Variants in ZDHHC13 observed in about 807,000 individuals in gnomAD.
ZDHHC13 encodes the protein palmitoyltransferase ZDHHC13.
Under a neutral mutation model 86.0 loss-of-function variants are expected in ZDHHC13, and 85 were observed. The observed-to-expected ratio is 0.99, with a 90% CI of 0.83 to 1.18. The LOEUF is 1.18. Ranked by LOEUF, ZDHHC13 falls within the 50% of genes most tolerant of loss-of-function variation. The pLI, the probability that ZDHHC13 is intolerant of heterozygous loss-of-function variation, is 0.00. For synonymous variants in ZDHHC13, 263 were observed against 246.4 expected (o/e 1.07, Z -0.63); for missense variants, 711 against 730.2 (o/e 0.97, Z 0.30).
At chr11:19,146,054 A>C in intron 2 of ZDHHC13, 127 bp from the exon 3 acceptor site, 9 of 997,144 alleles carry the variant, frequency 9.0e-6, no homozygotes, top group South Asian at 1.8e-5. Context: ...TGTCTTTGTT[A>C]ATTATTATAT....
rs187421487 is a variant in ZDHHC13 at position 19,167,369 on chromosome 11, T to C, written c.1474+984T>C. The C allele has an allele frequency of 2.8e-4, 42 of 152,290 alleles. 1 individual carries two copies. Among genetic ancestry groups the C allele is most frequent in the African/African-American group, 1.0e-3 (42 of 41,560 alleles). The allele number at this position is 152,290 out of a possible 1,614,324, so 9.4% of individuals were successfully genotyped here. On this transcript the variant is annotated intron_variant, in intron 14 of 16. Coordinates refer to ENST00000446113, the MANE Select transcript of ZDHHC13 (RefSeq NM_019028.3). The stretch of plus-strand genomic sequence containing the variant: ...GCCCAATACACATACACATTTTTCC[T>C]CTCTTTCTCTCTTCTGTGTCTCTCT...
intron 9 of ZDHHC13, among the ~76,000 whole-genome samples, 165 bp downstream of exon 9, chr11:19,156,094 T>G (rs1849750751): frequency 6.6e-6 from 1 of 152,180 alleles, no homozygotes; most frequent in Non-Finnish European, 1.5e-5. Context: ...TGGTAGCATA[T>G]TATTTGGCTG....
intron 14 of ZDHHC13, 166 bp downstream of exon 14, chr11:19,166,551 A>T: frequency 1.9e-6 from 1 of 514,132 alleles, no homozygotes; most frequent in Non-Finnish European, 3.4e-6. Context: ...AAGCTGCAAG[A>T]AATACAAGAT....
intron 1 of ZDHHC13, among the ~76,000 whole-genome samples, chr11:19,119,953 T>G (rs962038253): frequency 6.6e-6 from 1 of 152,244 alleles, no homozygotes; most frequent in Admixed American, 6.5e-5. Flanking sequence ...TCTCTTTTTA[T>G]TCGATAATCT....
chr11:19,146,450 T>G, intron 3 of ZDHHC13, 147 bp downstream of exon 3: 2 of 1,015,652 alleles, frequency 2.0e-6, no homozygotes, highest in Non-Finnish European at 2.7e-6. Flanking sequence ...ACGTTGGTTA[T>G]TATAAAGTTG....
chr11:19,162,767 C>T (rs576400032), intron 10 of ZDHHC13, among the ~76,000 whole-genome samples: 10 of 152,170 alleles, frequency 6.6e-5, no homozygotes, highest in South Asian at 4.1e-4. Context: ...GAGAACTGAA[C>T]GTATATATTT....
intron 1 of ZDHHC13, among the ~76,000 whole-genome samples, chr11:19,122,152 A>G (rs796203375): frequency 4.6e-5 from 7 of 152,232 alleles, no homozygotes; most frequent in African/African-American, 1.4e-4. Context: ...CCAATTTCAT[A>G]TTGTCGTGGG....
At position 19,176,185 on chromosome 11, in the gene ZDHHC13, A is replaced by G. The variant is rs764615539; in HGVS notation, c.*225A>G. The G allele has an allele frequency of 5.5e-5, 20 of 365,354 alleles. No homozygotes were observed. The East Asian group carries it at 8.1e-4, about 15-fold the overall frequency. 22.6% of individuals were successfully genotyped at this position (365,354 alleles called of 1,614,324 possible). A position where few individuals can be genotyped will look rare whatever the true frequency, so the allele number is the denominator to read the frequency against. On this transcript the variant is annotated 3_prime_UTR_variant, in exon 17 of 17. Transcript: ENST00000446113. The stretch of plus-strand genomic sequence containing the variant: ...TTGGCAGACATCTAAAAAAAAAACC[A>G]TATTTTTCACAAGAAAATGCAAGTT...
rs116071246 is a variant in ZDHHC13, at chr11:19,144,031, G to A, written c.173+908G>A. Among the ~76,000 whole-genome samples the A allele has an allele frequency of 6.8e-3, 1,039 of 152,240 alleles. 9 individuals are homozygous for A. The highest frequency in any genetic ancestry group is 0.024 in the African/African-American group (981 of 41,542). On this transcript the variant is annotated intron_variant, in intron 2 of 16. Transcript: ENST00000446113. ...AAGATGTTTGGAGATTAATTAGCCT[G>A]TTTGGCCTTGATATGGACTAATGTA...
chr11:19,133,587 A>C (rs949717509), intron 1 of ZDHHC13, among the ~76,000 whole-genome samples: 1 of 152,170 alleles, frequency 6.6e-6, no homozygotes, highest in Non-Finnish European at 1.5e-5. Flanking sequence ...TGTAGCTTTC[A>C]TAACAACATG....
rs1264807910 is a variant in ZDHHC13 at position 19,152,074 on chromosome 11, AT to A, written c.585-83del. 6 of 1,424,122 alleles carry A rather than the reference AT, an allele frequency of 4.2e-6. No individual in the cohort carries two copies. In the Admixed American group the frequency reaches 1.2e-4, roughly 29 times the overall value. 88.2% of individuals were successfully genotyped at this position (1,424,122 alleles called of 1,614,324 possible). Reference sequence around the variant, plus strand: ...AACTGAATGGTTAATTGATGGCATTATCTTAAAAGATTCATAATTTGCATTT... The same window carrying A: ...AACTGAATGGTTAATTGATGGCATTACTTAAAAGATTCATAATTTGCATTT... On this transcript the variant is annotated intron_variant, in intron 6 of 16. Transcript: ENST00000446113.
At chr11:19,123,622 G>T (rs547637440) in intron 1 of ZDHHC13, among the ~76,000 whole-genome samples, 13 of 152,136 alleles carry the variant, frequency 8.5e-5, no homozygotes, top group Non-Finnish European at 1.8e-4. Flanking sequence ...ACTCCAGCCT[G>T]GGTGACGGAG....
chr11:19,126,827 A>G lies in ZDHHC13; in HGVS notation c.27+9551A>G, dbSNP rs546985812. Among the ~76,000 whole-genome samples the G allele has an allele frequency of 7.9e-5, 12 of 152,206 alleles. No homozygotes were observed. The South Asian group carries it at 2.5e-3, about 32-fold the overall frequency. Reference sequence around the variant, plus strand: ...ATGGCTGCATAGTATTCCATGGTTTATATGTACTACATTTTCTTTACCCAG... The same window carrying G: ...ATGGCTGCATAGTATTCCATGGTTTGTATGTACTACATTTTCTTTACCCAG... On this transcript the variant is annotated intron_variant, in intron 1 of 16. Transcript: ENST00000446113.
chr11:19,160,876 A>G (rs1161644488), intron 10 of ZDHHC13, among the ~76,000 whole-genome samples: 2 of 152,028 alleles, frequency 1.3e-5, no homozygotes, highest in Admixed American at 1.3e-4. Flanking sequence ...GAAGAATTAA[A>G]TGGGCCGTGA....
At chr11:19,144,623 A>G (rs781011540) in intron 2 of ZDHHC13, among the ~76,000 whole-genome samples, 1 of 152,214 alleles carries the variant, frequency 6.6e-6, no homozygotes, top group Non-Finnish European at 1.5e-5. Flanking sequence ...TAAAAATGCC[A>G]AAAAGACACA....
intron 3 of ZDHHC13, among the ~76,000 whole-genome samples, chr11:19,146,994 C>G (rs552629972): frequency 7.9e-5 from 12 of 152,216 alleles, no homozygotes; most frequent in Admixed American, 1.3e-4. Context: ...GTATGAAGCT[C>G]AACTTTGAAG....
At chr11:19,175,708 T>C in intron 16 of ZDHHC13, 114 bp from the exon 17 acceptor site, 1 of 1,277,704 alleles carries the variant, frequency 7.8e-7, no homozygotes, top group Non-Finnish European at 1.1e-6. Context: ...CATCTACCCC[T>C]GGATTTCTGC....
In ZDHHC13 at chr11:19,176,003, A is replaced by C; in HGVS notation, c.*43A>C. 6.4e-7 allele frequency: 1 copy of C among 1,570,976 alleles called. No individual in the cohort carries two copies. The highest frequency in any genetic ancestry group is 8.6e-7 in the Non-Finnish European group (1 of 1,162,592). On this transcript the variant is annotated 3_prime_UTR_variant, in exon 17 of 17. Transcript: ENST00000446113. ...CTCTCAATCTGATTTGTTTTTGTTT[A>C]TGTCGATGCCCTGTAGTTTGAAAGT...
At chr11:19,142,399 C>G (rs1220235382) in intron 1 of ZDHHC13, among the ~76,000 whole-genome samples, 1 of 152,148 alleles carries the variant, frequency 6.6e-6, no homozygotes, top group Non-Finnish European at 1.5e-5. Context: ...GAGTAATTGT[C>G]TCATCACCTT....
Sources: allele counts gnomAD v4.1 joint callset (sites outside exome capture counted in the v4.1 genomes callset), GRCh38; gene constraint gnomAD v4.1.1; transcripts MANE v1.5; gene names NCBI Gene and HGNC (gene_info 2026-07-23, HGNC 2026-07-21).